The following MACROD2 variants were observed in gnomAD, a reference collection of about 807,000 sequenced individuals.
MACROD2 encodes mono-ADP ribosylhydrolase 2, also known as ADP-ribose glycohydrolase MACROD2.
In MACROD2, 36 loss-of-function variants were observed where a neutral mutation model predicts 70.4. The observed-to-expected ratio is 0.51, with a 90% confidence interval of 0.39 to 0.68. MACROD2 has a LOEUF of 0.68. Among genes scored for constraint, MACROD2 ranks in the 30% least tolerant of loss-of-function variants. The pLI is 0.00. For synonymous variants in MACROD2, 172 were observed against 178.8 expected (o/e 0.96, Z 0.30); for missense variants, 496 against 538.4 (o/e 0.92, Z 0.78).
chr20:15,396,898 C>A (rs537567999), intron 6 of MACROD2, among the ~76,000 whole-genome samples: 6 of 152,174 alleles, frequency 3.9e-5, no homozygotes, highest in Non-Finnish European at 5.9e-5. Context: ...GAAGCAAACC[C>A]ACATGAGTTG....
rs73597715 is a variant in MACROD2 at position 15,899,914 on chromosome 20, A to G, written c.775+14103A>G. ...ATCTAATGATAATATTAAAGTTATTATTATTATTATTTTACTAAAATAAAT... is the reference window on the plus strand; with the variant it reads ...ATCTAATGATAATATTAAAGTTATTGTTATTATTATTTTACTAAAATAAAT... On this transcript the variant is annotated intron_variant, in intron 10 of 17. Coordinates refer to ENST00000684519, the MANE Select transcript of MACROD2 (RefSeq NM_001351661.2). Among the ~76,000 whole-genome samples, 589 of 152,266 alleles carry G rather than the reference A, an allele frequency of 3.9e-3. 2 individuals are homozygous for G. The highest frequency in any genetic ancestry group is 0.023 in the South Asian group (112 of 4,824).
intron 4 of MACROD2, among the ~76,000 whole-genome samples, chr20:14,646,113 C>T (rs569268539): frequency 6.7e-6 from 1 of 149,162 alleles, no homozygotes; most frequent in African/African-American, 2.4e-5. Flanking sequence ...ATATTTTATA[C>T]TAAGTAAATA....
intron 8 of MACROD2, among the ~76,000 whole-genome samples, chr20:15,847,531 A>G (rs779378536): frequency 6.6e-6 from 1 of 152,238 alleles, no homozygotes; most frequent in Non-Finnish European, 1.5e-5. Context: ...CATTGGAAAC[A>G]TCAGTGAAAA....
chr20:14,421,412 C>T (rs1223727277), intron 3 of MACROD2, among the ~76,000 whole-genome samples: 1 of 152,098 alleles, frequency 6.6e-6, no homozygotes, highest in Non-Finnish European at 1.5e-5. Flanking sequence ...ATGAGTCTAT[C>T]CAGATTTTCT....
At position 15,088,397 on chromosome 20, in the gene MACROD2, TTA is replaced by T. The variant is rs71190173; in HGVS notation, c.419-141490_419-141489del. On this transcript the variant is annotated intron_variant, in intron 5 of 17. Transcript: ENST00000684519. ...ACCATTAAAACATATATACTATATT[TTA>T]TATATATATATATATATATATATAT... Among the ~76,000 whole-genome samples, 558 of 110,466 alleles carry T rather than the reference TTA, an allele frequency of 5.1e-3. 4 individuals are homozygous for T. The highest frequency in any genetic ancestry group is 0.026 in the East Asian group (58 of 2,190). The allele number at this position is 110,466 out of a possible 152,430, so 72.5% of individuals were successfully genotyped here.
At chr20:14,715,976 C>T in intron 5 of MACROD2, among the ~76,000 whole-genome samples, 1 of 152,132 alleles carries the variant, frequency 6.6e-6, no homozygotes, top group East Asian at 1.9e-4. Flanking sequence ...ACCAAAAAAT[C>T]TGTTACATCT....
intron 12 of MACROD2, among the ~76,000 whole-genome samples, chr20:15,966,991 C>T (rs912067380): frequency 3.3e-5 from 5 of 152,068 alleles, no homozygotes; most frequent in Admixed American, 6.6e-5. Context: ...AAGTGTACAA[C>T]GATTCCATGT....
intron 8 of MACROD2, among the ~76,000 whole-genome samples, chr20:15,517,493 A>G (rs916474679): frequency 6.6e-6 from 1 of 152,232 alleles, no homozygotes; most frequent in African/African-American, 2.4e-5. Flanking sequence ...ATCTTACTAG[A>G]GTGGCACCTA....
chr20:14,366,197 A>T (rs140817784), intron 3 of MACROD2, among the ~76,000 whole-genome samples: 5 of 152,260 alleles, frequency 3.3e-5, no homozygotes, highest in African/African-American at 9.6e-5. Context: ...AAAGCAGTGC[A>T]TGGATGTCTT....
At chr20:15,758,366 G>A (rs899484418) in intron 8 of MACROD2, among the ~76,000 whole-genome samples, 3 of 150,946 alleles carry the variant, frequency 2.0e-5, no homozygotes, top group African/African-American at 7.3e-5. Context: ...AGCCTCCTGA[G>A]TAGTTGGGAT....
intron 4 of MACROD2, among the ~76,000 whole-genome samples, chr20:14,677,378 C>T (rs914344843): frequency 1.3e-5 from 2 of 152,208 alleles, no homozygotes; most frequent in Admixed American, 1.3e-4. Context: ...ATCCCGCTCT[C>T]AGACAGTGGA....
intron 5 of MACROD2, among the ~76,000 whole-genome samples, chr20:15,046,418 A>G (rs185748343): frequency 4.9e-4 from 75 of 152,318 alleles, no homozygotes; most frequent in African/African-American, 1.7e-3. Context: ...CATGACCAAG[A>G]TTAAACCCAA....
At chr20:14,279,379 A>G (rs969376516) in intron 3 of MACROD2, among the ~76,000 whole-genome samples, 1 of 152,170 alleles carries the variant, frequency 6.6e-6, no homozygotes, top group Non-Finnish European at 1.5e-5. Flanking sequence ...TAGTTGGGTA[A>G]TAGTCATTCT....
rs2084442806 is a variant in MACROD2, at chr20:14,466,016, A to G, written c.272-27463A>G. 1.3e-5 allele frequency among the ~76,000 whole-genome samples: 2 copies of G among 151,872 alleles called. 1 individual carries two copies. Among genetic ancestry groups the G allele is most frequent in the South Asian group, 4.2e-4 (2 of 4,814 alleles). On this transcript the variant is annotated intron_variant, in intron 3 of 17. Coordinates refer to ENST00000684519, the MANE Select transcript of MACROD2 (RefSeq NM_001351661.2). ...TGAATCTGACAATTATGTGTCTTGG[A>G]GTTGCTCTTCTCGAGGAATATCTTT...
At chr20:16,013,585 C>T (rs1404276747) in intron 15 of MACROD2, among the ~76,000 whole-genome samples, 1 of 152,214 alleles carries the variant, frequency 6.6e-6, no homozygotes, top group Non-Finnish European at 1.5e-5. Flanking sequence ...TGAACCCTTG[C>T]CTGCAGCACT....
At chr20:15,074,564 A>C (rs1397849361) in intron 5 of MACROD2, among the ~76,000 whole-genome samples, 8 of 152,192 alleles carry the variant, frequency 5.3e-5, no homozygotes, top group Non-Finnish European at 1.2e-4. Context: ...TGTGCTTTCA[A>C]CTTACATTTG....
Position 15,206,721 on chromosome 20 carries a change from G to GTTTTTTTTTTTTTTTTTTTTTTTTTT in MACROD2, c.419-23218_419-23193dup, listed in dbSNP as rs56752104. Among the ~76,000 whole-genome samples the GTTTTTTTTTTTTTTTTTTTTTTTTTT allele has an allele frequency of 1.4e-3, 46 of 33,000 alleles. 16 individuals are homozygous for GTTTTTTTTTTTTTTTTTTTTTTTTTT. Among genetic ancestry groups the GTTTTTTTTTTTTTTTTTTTTTTTTTT allele is most frequent in the African/African-American group, 2.8e-3 (18 of 6,544 alleles). 21.6% of individuals were successfully genotyped at this position (33,000 alleles called of 152,430 possible). On this transcript the variant is annotated intron_variant, in intron 5 of 17. Transcript: ENST00000684519. The stretch of plus-strand genomic sequence containing the variant: ...GCATGAAGTCTTTCATATTATCTAT[G>GTTTTTTTTTTTTTTTTTTTTTTTTTT]TTTTTTTTTTTTTTTTTTTTTTTTT...
rs370529413 is a variant in MACROD2, at chr20:14,748,373, A to G, written c.418+63414A>G. Among the ~76,000 whole-genome samples, 274 of 152,202 alleles carry G rather than the reference A, an allele frequency of 1.8e-3. 2 individuals are homozygous for G. The highest frequency in any genetic ancestry group is 6.2e-3 in the African/African-American group (259 of 41,490). The stretch of plus-strand genomic sequence containing the variant: ...TGGTTGTCTTCCCCTTCAAGAAACC[A>G]TCTCCATCAAGACAGAGACTATGAA... On this transcript the variant is annotated intron_variant, in intron 5 of 17. Coordinates refer to ENST00000684519, the MANE Select transcript of MACROD2 (RefSeq NM_001351661.2).
chr20:15,842,078 G>A (rs2064177184), intron 8 of MACROD2, among the ~76,000 whole-genome samples: 1 of 151,940 alleles, frequency 6.6e-6, no homozygotes, highest in Admixed American at 6.6e-5. Context: ...GAGGTGAGGA[G>A]TCTGATGCAA....
Sources: gnomAD v4.1 joint callset for allele counts (sites outside exome capture counted in the v4.1 genomes callset) on GRCh38, gnomAD v4.1.1 for gene constraint, MANE v1.5 for transcripts, NCBI Gene and HGNC (gene_info 2026-07-23, HGNC 2026-07-21) for gene names.